Variants in ANKRD17 observed in about 807,000 individuals in gnomAD.
ANKRD17 encodes the protein ankyrin repeat domain 17, also known as ankyrin repeat domain-containing protein 17.
ANKRD17 carries 19 observed loss-of-function variants against 229.7 expected under a neutral mutation model. The observed-to-expected ratio is 0.08, with a 90% CI of 0.06 to 0.12. ANKRD17 has a LOEUF of 0.12. Among genes scored for constraint, ANKRD17 ranks in the 10% least tolerant of loss-of-function variants. ANKRD17 has a pLI of 1.00. For synonymous variants in ANKRD17, 1,112 were observed against 1,146.1 expected (o/e 0.97, Z 0.60); for missense variants, 2,176 against 3,176.8 (o/e 0.68, Z 7.57).
Position 73,076,175 on chromosome 4 carries a change from C to T in ANKRD17, c.*56G>A. On this transcript the variant is annotated 3_prime_UTR_variant, in exon 34 of 34. Transcript: ENST00000358602. Reference sequence around the variant, plus strand: ...TGGGAGCATAATTTTTTTTTTCGGCCACTTGTGATTTCCTCCAAATGAAAA... The same window carrying T: ...TGGGAGCATAATTTTTTTTTTCGGCTACTTGTGATTTCCTCCAAATGAAAA... 1 of 1,527,504 alleles carries T rather than the reference C, an allele frequency of 6.5e-7. No homozygotes were observed. Among genetic ancestry groups the T allele is most frequent in the Non-Finnish European group, 8.9e-7 (1 of 1,127,868 alleles). The allele number at this position is 1,527,504 out of a possible 1,614,324, so 94.6% of individuals were successfully genotyped here.
At chr4:73,102,001 T>C (rs1034005642) in intron 25 of ANKRD17, among the ~76,000 whole-genome samples, 8 of 152,096 alleles carry the variant, frequency 5.3e-5, no homozygotes, top group Admixed American at 3.9e-4. Context: ...TGCCAGATCA[T>C]GGCTCATGAC....
At chr4:73,112,968 G>T in intron 24 of ANKRD17, 1 of 524,000 alleles carries the variant, frequency 1.9e-6, no homozygotes. Context: ...TCGTATTTTT[G>T]GTAGAGACGG....
intron 5 of ANKRD17, among the ~76,000 whole-genome samples, chr4:73,154,742 A>T (rs1202998047): frequency 6.6e-6 from 1 of 151,834 alleles, no homozygotes; most frequent in Non-Finnish European, 1.5e-5. Flanking sequence ...ACATGACCTT[A>T]AAAAACATTT....
intron 24 of ANKRD17, among the ~76,000 whole-genome samples, chr4:73,110,512 C>G (rs1489137864): frequency 1.3e-5 from 2 of 152,176 alleles, no homozygotes; most frequent in Non-Finnish European, 2.9e-5. Flanking sequence ...ATTAGAAAGA[C>G]TGACCAAAGA....
intron 25 of ANKRD17, chr4:73,101,048 G>A (rs1723918847): frequency 5.6e-6 from 5 of 899,206 alleles, no homozygotes; most frequent in Non-Finnish European, 6.7e-6. Flanking sequence ...GGTATTAGAG[G>A]TAATGTAGAG....
At chr4:73,116,630 T>A (rs1017160826) in intron 22 of ANKRD17, among the ~76,000 whole-genome samples, 1 of 152,200 alleles carries the variant, frequency 6.6e-6, no homozygotes. Flanking sequence ...TTTCTCTAAA[T>A]GAATAGCTCA....
At chr4:73,251,792 C>T (rs895223606) in intron 1 of ANKRD17, among the ~76,000 whole-genome samples, 2 of 152,124 alleles carry the variant, frequency 1.3e-5, no homozygotes, top group African/African-American at 4.8e-5. Flanking sequence ...TGCAACTGCA[C>T]TGCCTCAAGG....
intron 2 of ANKRD17, among the ~76,000 whole-genome samples, chr4:73,169,855 C>T (rs1404780483): frequency 2.0e-5 from 3 of 152,196 alleles, no homozygotes; most frequent in Non-Finnish European, 2.9e-5. Flanking sequence ...TCAGCTGATG[C>T]CTGCTCGTGG....
At chr4:73,129,216 G>A (rs1176067478) in intron 16 of ANKRD17, among the ~76,000 whole-genome samples, 2 of 152,098 alleles carry the variant, frequency 1.3e-5, no homozygotes, top group Non-Finnish European at 2.9e-5. Context: ...CATTAATAGA[G>A]GTTGTTATGA....
At chr4:73,111,288 C>T (rs1725287354) in intron 24 of ANKRD17, among the ~76,000 whole-genome samples, 1 of 152,086 alleles carries the variant, frequency 6.6e-6, no homozygotes, top group Admixed American at 6.6e-5. Flanking sequence ...ACTTTGGGGC[C>T]ATTATTAAGT....
chr4:73,171,931 C>T (rs1734091888), intron 2 of ANKRD17, among the ~76,000 whole-genome samples: 1 of 151,950 alleles, frequency 6.6e-6, no homozygotes, highest in Admixed American at 6.6e-5. Context: ...AGAAAACAGC[C>T]TCAAAATGGC....
intron 16 of ANKRD17, among the ~76,000 whole-genome samples, chr4:73,125,908 G>C (rs1433644874): frequency 1.3e-5 from 2 of 152,002 alleles, no homozygotes; most frequent in Non-Finnish European, 2.9e-5. Flanking sequence ...GCCATTAATG[G>C]AGAAACATAG....
intron 24 of ANKRD17, among the ~76,000 whole-genome samples, chr4:73,107,751 G>A (rs540002068): frequency 4.6e-5 from 7 of 152,222 alleles, no homozygotes; most frequent in South Asian, 2.1e-4. Context: ...AATGAGTTTC[G>A]GGGAACAGTA....
intron 15 of ANKRD17, among the ~76,000 whole-genome samples, chr4:73,135,654 GT>G (rs984521439): frequency 6.6e-6 from 1 of 152,144 alleles, no homozygotes; most frequent in African/African-American, 2.4e-5. Flanking sequence ...GGAATATGTG[GT>G]TTTTACTTGC....
Position 73,191,341 on chromosome 4 carries a change from ATGTGTG to A in ANKRD17, c.394-13814_394-13809del, listed in dbSNP as rs71655741. Among the ~76,000 whole-genome samples the A allele has an allele frequency of 1.4e-3, 173 of 125,284 alleles. 1 individual carries two copies. Among genetic ancestry groups the A allele is most frequent in the South Asian group, 4.2e-3 (15 of 3,536 alleles). The allele number at this position is 125,284 out of a possible 152,430, so 82.2% of individuals were successfully genotyped here. A position where few individuals can be genotyped will look rare whatever the true frequency, so the allele number is the denominator to read the frequency against. On this transcript the variant is annotated intron_variant, in intron 1 of 33. Coordinates refer to ENST00000358602, the MANE Select transcript of ANKRD17 (RefSeq NM_032217.5). ...AATAGGCCCCTACCAAAAAATATAT[ATGTGTG>A]TGTGTGTGTGTGTGTGTGTGTGTGT...
At chr4:73,235,051 C>T (rs1743380531) in intron 1 of ANKRD17, among the ~76,000 whole-genome samples, 1 of 152,128 alleles carries the variant, frequency 6.6e-6, no homozygotes, top group Non-Finnish European at 1.5e-5. Flanking sequence ...TTTCTATCTT[C>T]TTCAAAATTT....
At chr4:73,205,440 C>T (rs1739316647) in intron 1 of ANKRD17, among the ~76,000 whole-genome samples, 1 of 152,180 alleles carries the variant, frequency 6.6e-6, no homozygotes, top group East Asian at 1.9e-4. Context: ...ATCAATCTAC[C>T]CATTTTATGG....
intron 18 of ANKRD17, among the ~76,000 whole-genome samples, chr4:73,124,288 G>GAAAAA (rs59284237): frequency 2.1e-5 from 2 of 96,230 alleles, no homozygotes; most frequent in East Asian, 6.0e-4. Context: ...GACTGAATTT[G>GAAAAA]AAAAAAAAAA....
chr4:73,200,106 A>G (rs1738448842), intron 1 of ANKRD17, among the ~76,000 whole-genome samples: 1 of 152,174 alleles, frequency 6.6e-6, no homozygotes, highest in Non-Finnish European at 1.5e-5. Flanking sequence ...TAAATATTGA[A>G]AAAGTCTACC....
Sources: gnomAD v4.1 joint callset for allele counts (sites outside exome capture counted in the v4.1 genomes callset) on GRCh38, gnomAD v4.1.1 for gene constraint, MANE v1.5 for transcripts, NCBI Gene and HGNC (gene_info 2026-07-23, HGNC 2026-07-21) for gene names.